PALM2AKAP2: variants seen among roughly 807,000 people sequenced by gnomAD.
PALM2AKAP2 encodes the protein PALM2 and AKAP2 fusion.
In PALM2AKAP2, 37 loss-of-function variants were observed where a neutral mutation model predicts 71.5. The ratio of observed to expected loss-of-function variants is 0.52; its 90% CI spans 0.40 to 0.68. The LOEUF (loss-of-function observed/expected upper bound fraction) is 0.68. Ranked by LOEUF, PALM2AKAP2 falls within the 30% of genes least tolerant of loss-of-function variation. The pLI, the probability that PALM2AKAP2 is intolerant of heterozygous loss-of-function variation, is 0.00. For synonymous variants in PALM2AKAP2, 468 were observed against 478.8 expected (o/e 0.98, Z 0.29); for missense variants, 1,224 against 1,191.8 (o/e 1.03, Z -0.40).
chr9:109,663,422 T>G (rs1827431708), intron 1 of PALM2AKAP2, among the ~76,000 whole-genome samples: 1 of 152,234 alleles, frequency 6.6e-6, no homozygotes, highest in Non-Finnish European at 1.5e-5. Flanking sequence ...ACTTCTTTAT[T>G]TCTGCCTTCA....
chr9:110,011,637 G>A (rs1230676465), intron 6 of PALM2AKAP2, among the ~76,000 whole-genome samples: 1 of 152,204 alleles, frequency 6.6e-6, no homozygotes, highest in South Asian at 2.1e-4. Context: ...ATAAAGAAGT[G>A]TCTGTCATTT....
At chr9:109,804,851 C>T (rs1334316944) in intron 1 of PALM2AKAP2, among the ~76,000 whole-genome samples, 1 of 152,118 alleles carries the variant, frequency 6.6e-6, no homozygotes, top group African/African-American at 2.4e-5. Context: ...GGGCCTTACA[C>T]TCAATCAGTA....
At chr9:109,948,614 G>A (rs1404161507) in intron 6 of PALM2AKAP2, among the ~76,000 whole-genome samples, 2 of 152,050 alleles carry the variant, frequency 1.3e-5, no homozygotes, top group Non-Finnish European at 2.9e-5. Context: ...ATAAAGGGTC[G>A]TCTTCTCCTC....
chr9:109,943,111 C>T (rs770052970), intron 6 of PALM2AKAP2: 1 of 1,614,246 alleles, frequency 6.2e-7, no homozygotes, highest in Admixed American at 1.7e-5. Context: ...AAACTTGGAT[C>T]AGCCCGTCAC....
chr9:110,144,604 A>G (rs1429612027), intron 2 of PALM2AKAP2, among the ~76,000 whole-genome samples: 2 of 152,226 alleles, frequency 1.3e-5, no homozygotes, highest in Non-Finnish European at 2.9e-5. Flanking sequence ...TTAGAAAAGT[A>G]ATACAATGAA....
chr9:109,841,971 A>T (rs1285686345), intron 1 of PALM2AKAP2, among the ~76,000 whole-genome samples: 1 of 80,924 alleles, frequency 1.2e-5, no homozygotes, highest in Non-Finnish European at 2.5e-5. Flanking sequence ...AGGGGGATGG[A>T]GGGGAAGTTG....
chr9:110,114,441 C>T (rs1214044301), intron 1 of PALM2AKAP2, among the ~76,000 whole-genome samples: 4 of 152,084 alleles, frequency 2.6e-5, no homozygotes, highest in African/African-American at 7.2e-5. Flanking sequence ...TCTGAGGTTC[C>T]GGGTGGACAT....
chr9:109,950,321 G>C (rs1010270656), intron 6 of PALM2AKAP2, among the ~76,000 whole-genome samples: 7 of 151,930 alleles, frequency 4.6e-5, no homozygotes, highest in African/African-American at 1.5e-4. Flanking sequence ...ACAATTATCA[G>C]TTGGCCTTCT....
At chr9:109,917,035 A>C (rs1483433768) in intron 3 of PALM2AKAP2, among the ~76,000 whole-genome samples, 3 of 152,220 alleles carry the variant, frequency 2.0e-5, no homozygotes, top group Admixed American at 6.5e-5. Context: ...AAATAGGGAG[A>C]TCAGTATCCT....
chr9:109,953,327 G>T (rs188021905), intron 6 of PALM2AKAP2, among the ~76,000 whole-genome samples: 1 of 152,252 alleles, frequency 6.6e-6, no homozygotes, highest in Admixed American at 6.5e-5. Context: ...CACCTGATAG[G>T]GTAGGATTTC....
At chr9:109,949,312 TA>T (rs982692296) in intron 6 of PALM2AKAP2, among the ~76,000 whole-genome samples, 13 of 152,192 alleles carry the variant, frequency 8.5e-5, no homozygotes, top group African/African-American at 2.9e-4. Context: ...AGCATATTTT[TA>T]AGCACAGTTG....
Position 109,735,462 on chromosome 9 carries a change from A to G in PALM2AKAP2, c.6-45026A>G, listed in dbSNP as rs890738176. Among the ~76,000 whole-genome samples the G allele has an allele frequency of 2.6e-5, 4 of 152,064 alleles. No individual in the cohort carries two copies. The East Asian group carries it at 5.8e-4, about 22-fold the overall frequency. Reference sequence around the variant, plus strand: ...GTTTCATGGGACAAACTCTCAGCTCAAATCTTGTCCTGCAGGGAGCTATGA... The same window carrying G: ...GTTTCATGGGACAAACTCTCAGCTCGAATCTTGTCCTGCAGGGAGCTATGA... On this transcript the variant is annotated intron_variant, in intron 1 of 6. Coordinates refer to the PALM2AKAP2 transcript ENST00000374531.
At chr9:110,127,509 A>T (rs909976416) in intron 1 of PALM2AKAP2, 6 of 152,208 alleles carry the variant, frequency 3.9e-5, no homozygotes, top group African/African-American at 1.4e-4. Flanking sequence ...AAGCCTGCAC[A>T]GGACTGGAAT....
intron 1 of PALM2AKAP2, among the ~76,000 whole-genome samples, chr9:109,716,706 C>G (rs1316681541): frequency 6.6e-6 from 1 of 152,174 alleles, no homozygotes; most frequent in Admixed American, 6.5e-5. Context: ...GTTGTCCCAT[C>G]AAATGCCTTT....
upstream of PALM2AKAP2, among the ~76,000 whole-genome samples, chr9:110,045,657 G>A (rs1426980829): frequency 2.6e-5 from 4 of 151,688 alleles, no homozygotes; most frequent in Admixed American, 6.6e-5. Context: ...AATCTCTGCC[G>A]CCCGTGTTCA....
chr9:109,773,517 A>G (rs1414189335), intron 1 of PALM2AKAP2, among the ~76,000 whole-genome samples: 3 of 152,208 alleles, frequency 2.0e-5, no homozygotes, highest in Non-Finnish European at 4.4e-5. Flanking sequence ...ATTTCACTGT[A>G]GTTCTTCACT....
intron 1 of PALM2AKAP2, among the ~76,000 whole-genome samples, chr9:109,781,055 A>G (rs1829439103): frequency 6.6e-6 from 1 of 152,222 alleles, no homozygotes. Flanking sequence ...GGGCACTGGC[A>G]CAAGCCACCA....
intron 3 of PALM2AKAP2, among the ~76,000 whole-genome samples, chr9:109,908,837 C>G (rs886451144): frequency 1.1e-4 from 15 of 133,666 alleles, no homozygotes; most frequent in African/African-American, 4.0e-4. Flanking sequence ...CACACACACA[C>G]AGAGGCCGAT....
chr9:110,114,028 A>G (rs1835308995), intron 1 of PALM2AKAP2, among the ~76,000 whole-genome samples: 1 of 152,232 alleles, frequency 6.6e-6, no homozygotes, highest in Non-Finnish European at 1.5e-5. Flanking sequence ...TAACAGCCTC[A>G]GAAGGTAGGT....
Sources: allele counts gnomAD v4.1 joint callset (sites outside exome capture counted in the v4.1 genomes callset), GRCh38; gene constraint gnomAD v4.1.1; transcripts MANE v1.5; gene names NCBI Gene and HGNC (gene_info 2026-07-23, HGNC 2026-07-21).